The following HIP1 variants were observed in gnomAD, a reference collection of about 807,000 sequenced individuals.
The protein encoded by HIP1 is huntingtin-interacting protein 1.
In HIP1, 65 loss-of-function variants were observed where a neutral mutation model predicts 147.6. The ratio of observed to expected loss-of-function variants is 0.44; its 90% CI spans 0.36 to 0.54. The LOEUF (loss-of-function observed/expected upper bound fraction) is 0.54. HIP1 is among the 20% of genes least tolerant of loss of function. HIP1 has a pLI of 0.00. For missense variants in HIP1, 1,061 were observed against 1,299.6 expected (o/e 0.82, Z 2.82); for synonymous variants, 479 against 504.0 (o/e 0.95, Z 0.67).
At chr7:75,628,475 CTTTTTTTTTTT>C (rs71098044) in intron 1 of HIP1, among the ~76,000 whole-genome samples, 1 of 132,632 alleles carries the variant, frequency 7.5e-6, no homozygotes, top group Non-Finnish European at 1.6e-5. Flanking sequence ...TCCTGTACCT[CTTTTTTTTTTT>C]TTTTTTTTTT....
intron 1 of HIP1, among the ~76,000 whole-genome samples, chr7:75,702,679 C>T (rs933999885): frequency 6.6e-6 from 1 of 152,270 alleles, no homozygotes; most frequent in African/African-American, 2.4e-5. Flanking sequence ...GGAAGGGGAC[C>T]TGGTGTTCAT....
At chr7:75,682,193 A>G (rs2705782) in intron 1 of HIP1, among the ~76,000 whole-genome samples, 87,757 of 150,588 alleles carry the variant, frequency 0.58, 26,093 homozygotes, top group African/African-American at 0.69. Flanking sequence ...TCTTGACCTC[A>G]TGATCCACCC....
At chr7:75,576,380 GTCTGC>G (rs1236628328) in intron 7 of HIP1, among the ~76,000 whole-genome samples, 1 of 152,168 alleles carries the variant, frequency 6.6e-6, no homozygotes, top group Non-Finnish European at 1.5e-5. Flanking sequence ...GTTTCAATTG[GTCTGC>G]TGTATGTTGG....
chr7:75,654,837 A>G (rs1799100094), intron 1 of HIP1: 1 of 152,224 alleles, frequency 6.6e-6, no homozygotes. Context: ...CAACATAGCA[A>G]GAGCCCATCT....
chr7:75,694,663 C>T (rs1329210752), intron 1 of HIP1, among the ~76,000 whole-genome samples: 3 of 137,880 alleles, frequency 2.2e-5, no homozygotes, highest in African/African-American at 8.7e-5. Flanking sequence ...GGCACCACCA[C>T]CACACCTGGC....
chr7:75,602,303 C>CTTTTT (rs67019261), intron 1 of HIP1, among the ~76,000 whole-genome samples: 5 of 77,276 alleles, frequency 6.5e-5, no homozygotes, highest in African/African-American at 2.2e-4. Context: ...ACCTGGCCAG[C>CTTTTT]TTTTTTTTTT....
chr7:75,713,727 C>T (rs915222181), intron 1 of HIP1, among the ~76,000 whole-genome samples: 123 of 150,038 alleles, frequency 8.2e-4, no homozygotes, highest in African/African-American at 2.8e-3. Context: ...GGTGGAGTCT[C>T]GCTCTGTTGC....
At chr7:75,553,365 G>A (rs1794860117) in intron 22 of HIP1, 88 bp downstream of exon 22, 1 of 1,474,002 alleles carries the variant, frequency 6.8e-7, no homozygotes, top group Non-Finnish European at 9.3e-7. Flanking sequence ...GAAAGAACTA[G>A]CTCAGAACAT....
At chr7:75,641,488 G>T (rs1584912493) in intron 1 of HIP1, among the ~76,000 whole-genome samples, 1 of 110,886 alleles carries the variant, frequency 9.0e-6, no homozygotes. Context: ...TTTGCTCCTT[G>T]TTTGCTTTTT....
intron 1 of HIP1, among the ~76,000 whole-genome samples, chr7:75,606,524 C>T (rs1284803718): frequency 6.6e-6 from 1 of 151,536 alleles, no homozygotes; most frequent in African/African-American, 2.4e-5. Flanking sequence ...TGCAGTGAGC[C>T]GAGATCCCGC....
At chr7:75,719,365 A>G (rs1584977068) in intron 1 of HIP1, among the ~76,000 whole-genome samples, 1 of 151,972 alleles carries the variant, frequency 6.6e-6, no homozygotes, top group African/African-American at 2.4e-5. Context: ...TTAGCCAGGC[A>G]AGGTGGCAGG....
intron 1 of HIP1, among the ~76,000 whole-genome samples, chr7:75,686,128 A>G (rs1554517566): frequency 2.8e-5 from 4 of 144,218 alleles, no homozygotes; most frequent in Admixed American, 7.0e-5. Context: ...GGCCTCAAGT[A>G]ATCCACCTGC....
At chr7:75,730,527 C>G (rs577519800) in intron 1 of HIP1, among the ~76,000 whole-genome samples, 1 of 150,196 alleles carries the variant, frequency 6.7e-6, no homozygotes, top group Admixed American at 6.7e-5. Flanking sequence ...TTACCAGAGA[C>G]AGGGTTTCTC....
chr7:75,581,207 C>G, intron 7 of HIP1, 30 bp downstream of exon 7: 1 of 1,565,876 alleles, frequency 6.4e-7, no homozygotes, highest in South Asian at 1.1e-5. Context: ...CCCATGAGAG[C>G]CTGGGTTAGA....
intron 17 of HIP1, 73 bp downstream of exon 17, chr7:75,556,637 G>C: frequency 1.0e-6 from 1 of 957,918 alleles, no homozygotes; most frequent in East Asian, 2.4e-5. Flanking sequence ...AGTGAGCTGC[G>C]ATCGCACCAC....
At chr7:75,556,264 T>A in intron 17 of HIP1, 95 bp from the exon 18 acceptor site, 1 of 1,446,344 alleles carries the variant, frequency 6.9e-7, no homozygotes, top group Non-Finnish European at 9.4e-7. Flanking sequence ...TTGCAAGGAC[T>A]GGGAAGGTGA....
chr7:75,640,280 CTG>C (rs753878857), intron 1 of HIP1, among the ~76,000 whole-genome samples: 164 of 152,282 alleles, frequency 1.1e-3, no homozygotes, highest in Middle Eastern at 3.4e-3. Context: ...GGAGAGGAAA[CTG>C]AGATCCAGAG....
intron 1 of HIP1, among the ~76,000 whole-genome samples, chr7:75,656,750 T>A (rs1458608937): frequency 6.6e-6 from 1 of 152,216 alleles, no homozygotes; most frequent in Non-Finnish European, 1.5e-5. Flanking sequence ...GTGCTGGGAT[T>A]ACAGGCGTGA....
chr7:75,570,721 A>G (rs1412153999), intron 8 of HIP1, among the ~76,000 whole-genome samples: 1 of 152,032 alleles, frequency 6.6e-6, no homozygotes, highest in African/African-American at 2.4e-5. Context: ...TTTTTAGAAA[A>G]GAGGGCCAGC....
Sources: gnomAD v4.1 joint callset for allele counts (sites outside exome capture counted in the v4.1 genomes callset) on GRCh38, gnomAD v4.1.1 for gene constraint, MANE v1.5 for transcripts, NCBI Gene and HGNC (gene_info 2026-07-23, HGNC 2026-07-21) for gene names.